The following BAALC variants were observed in gnomAD, a reference collection of about 807,000 sequenced individuals.
BAALC encodes the protein BAALC binder of MAP3K1 and KLF4, also known as brain and acute leukemia cytoplasmic protein.
A neutral mutation model predicts 15.5 loss-of-function variants in BAALC; 9 were observed. The observed-to-expected ratio is 0.58, with a 90% CI of 0.35 to 1.02. The LOEUF is 1.02. Ranked by LOEUF, BAALC falls within the 50% of genes least tolerant of loss-of-function variation. The probability of loss-of-function intolerance (pLI) is 0.02; values close to 1 mark genes in which losing one functional copy is unlikely to be tolerated. For missense variants in BAALC, 201 were observed against 192.4 expected (o/e 1.04, Z -0.27); for synonymous variants, 80 against 74.6 (o/e 1.07, Z -0.37).
At chr8:103,196,224 T>C (rs1198587333) in intron 1 of BAALC, among the ~76,000 whole-genome samples, 3 of 152,180 alleles carry the variant, frequency 2.0e-5, no homozygotes, top group African/African-American at 4.8e-5. Context: ...CCTTAGGTCA[T>C]TAAGAAGTCT....
chr8:103,184,836 C>T (rs1402040297), intron 1 of BAALC, among the ~76,000 whole-genome samples: 1 of 152,212 alleles, frequency 6.6e-6, no homozygotes, highest in Non-Finnish European at 1.5e-5. Context: ...AGGATGCAGG[C>T]TCAAGAGAAC....
intron 1 of BAALC, among the ~76,000 whole-genome samples, chr8:103,206,916 T>G (rs62528479): frequency 0.015 from 2,336 of 152,278 alleles, 35 homozygotes; most frequent in Non-Finnish European, 0.027. Flanking sequence ...AGCTGGGCTA[T>G]TGTACCCACT....
chr8:103,216,689 T>A (rs899940165), intron 2 of BAALC, among the ~76,000 whole-genome samples: 1 of 152,188 alleles, frequency 6.6e-6, no homozygotes, highest in Non-Finnish European at 1.5e-5. Flanking sequence ...TTGCCCAGGC[T>A]GGTCTCAAAC....
At chr8:103,201,136 G>C (rs1000694270) in intron 1 of BAALC, among the ~76,000 whole-genome samples, 1 of 152,184 alleles carries the variant, frequency 6.6e-6, no homozygotes, top group South Asian at 2.1e-4. Flanking sequence ...GCTACAAGCA[G>C]GGAAAATTGT....
intron 1 of BAALC, among the ~76,000 whole-genome samples, chr8:103,153,722 G>T (rs939338475): frequency 1.3e-5 from 2 of 152,200 alleles, no homozygotes; most frequent in Non-Finnish European, 2.9e-5. Flanking sequence ...CAGGCTGGGA[G>T]CTTCTGTTGG....
At chr8:103,226,502 T>C (rs1358881722) in intron 2 of BAALC, among the ~76,000 whole-genome samples, 2 of 152,108 alleles carry the variant, frequency 1.3e-5, no homozygotes, top group African/African-American at 4.8e-5. Context: ...GGGCAGCAAA[T>C]AACTGTGTCC....
At chr8:103,186,625 C>T (rs1212329289) in intron 1 of BAALC, among the ~76,000 whole-genome samples, 1 of 152,202 alleles carries the variant, frequency 6.6e-6, no homozygotes, top group Non-Finnish European at 1.5e-5. Context: ...ACCCCAGGGA[C>T]TCTTGATTAA....
At chr8:103,177,532 C>T (rs776330925) in intron 1 of BAALC, among the ~76,000 whole-genome samples, 20 of 152,274 alleles carry the variant, frequency 1.3e-4, no homozygotes, top group Admixed American at 3.3e-4. Flanking sequence ...AATTCCCCAC[C>T]GTCTTGGCAG....
At chr8:103,156,377 G>A (rs1811091903) in intron 1 of BAALC, among the ~76,000 whole-genome samples, 1 of 152,204 alleles carries the variant, frequency 6.6e-6, no homozygotes, top group African/African-American at 2.4e-5. Context: ...TGCAAATCAT[G>A]CTCTTGAGTT....
intron 1 of BAALC, among the ~76,000 whole-genome samples, chr8:103,187,064 G>T (rs1331402297): frequency 6.6e-6 from 1 of 152,140 alleles, no homozygotes; most frequent in Non-Finnish European, 1.5e-5. Context: ...ACCATTGGGG[G>T]TCCTATTTTT....
chr8:103,163,351 C>T (rs1460257599), intron 1 of BAALC, among the ~76,000 whole-genome samples: 3 of 152,084 alleles, frequency 2.0e-5, no homozygotes, highest in Admixed American at 6.6e-5. Context: ...GGCTGCTCCC[C>T]GCCATATCTG....
intron 1 of BAALC, 83 bp downstream of exon 1, chr8:103,141,140 C>T (rs1810765955): frequency 7.4e-7 from 1 of 1,346,080 alleles, no homozygotes; most frequent in Middle Eastern, 2.8e-4. Context: ...GAGCCGGTTC[C>T]CTGAGGAATT....
intron 2 of BAALC, among the ~76,000 whole-genome samples, chr8:103,224,591 G>A (rs1047908543): frequency 3.3e-5 from 5 of 152,072 alleles, no homozygotes; most frequent in Admixed American, 6.6e-5. Flanking sequence ...GCTCTCAGCC[G>A]ACTTCAGGGA....
rs182127699 is a variant in BAALC, at chr8:103,180,964, C to G, written c.161-31955C>G. Among the ~76,000 whole-genome samples, 35 of 152,312 alleles carry G rather than the reference C, an allele frequency of 2.3e-4. No individual in the cohort carries two copies. In the East Asian group the frequency reaches 6.6e-3, roughly 29 times the overall value. On this transcript the variant is annotated intron_variant, in intron 1 of 2. Transcript: ENST00000309982. ...CTCAGTTATAGCATCCCTGAAAACA[C>G]AGCTCAAAAGGGGAAAAGTTGAAGA...
intron 1 of BAALC, among the ~76,000 whole-genome samples, chr8:103,171,119 A>AAG (rs920754597): frequency 6.6e-6 from 1 of 151,274 alleles, no homozygotes; most frequent in Non-Finnish European, 1.5e-5. Flanking sequence ...GAAAGGAAAA[A>AAG]AGAGAGAGAG....
chr8:103,143,570 T>C (rs1289791027), intron 1 of BAALC, among the ~76,000 whole-genome samples: 1 of 152,110 alleles, frequency 6.6e-6, no homozygotes, highest in Non-Finnish European at 1.5e-5. Context: ...CAAATGAGAC[T>C]CTCAGGGGAA....
intron 1 of BAALC, among the ~76,000 whole-genome samples, chr8:103,164,371 C>T (rs755773479): frequency 6.6e-6 from 1 of 152,120 alleles, no homozygotes; most frequent in Non-Finnish European, 1.5e-5. Flanking sequence ...CCAGTGTCAA[C>T]GGAAGCAGGG....
intron 2 of BAALC, among the ~76,000 whole-genome samples, chr8:103,225,011 G>A (rs764056746): frequency 1.4e-4 from 22 of 152,164 alleles, no homozygotes; most frequent in Admixed American, 3.9e-4. Context: ...AGGAGTTAAA[G>A]ACAAATAACA....
chr8:103,197,863 A>G (rs1273570370), intron 1 of BAALC, among the ~76,000 whole-genome samples: 1 of 152,232 alleles, frequency 6.6e-6, no homozygotes, highest in African/African-American at 2.4e-5. Flanking sequence ...CATGATCCAA[A>G]TACCTCCCAC....
Sources: gnomAD v4.1 joint callset for allele counts (sites outside exome capture counted in the v4.1 genomes callset) on GRCh38, gnomAD v4.1.1 for gene constraint, MANE v1.5 for transcripts, NCBI Gene and HGNC (gene_info 2026-07-23, HGNC 2026-07-21) for gene names.